TTC7A: variants seen among roughly 807,000 people sequenced by gnomAD.
TTC7A encodes tetratricopeptide repeat domain 7A.
A neutral mutation model predicts 103.7 loss-of-function variants in TTC7A; 110 were observed. That is an observed-to-expected ratio of 1.06 (90% CI 0.91 to 1.24). TTC7A has a LOEUF of 1.24. Among genes scored for constraint, TTC7A ranks in the 50% most tolerant of loss-of-function variants. The pLI is 0.00. For missense variants in TTC7A, 1,340 were observed against 1,116.3 expected (o/e 1.20, Z -2.86); for synonymous variants, 521 against 467.9 (o/e 1.11, Z -1.47).
At chr2:46,956,775 G>C in intron 2 of TTC7A, 64 bp from the exon 3 acceptor site, 3 of 1,564,320 alleles carry the variant, frequency 1.9e-6, no homozygotes, top group Non-Finnish European at 8.8e-7. Context: ...TCCAGGTTCA[G>C]TGGGGGTGTT....
chr2:46,918,720 A>C (rs1239611281), intron 2 of TTC7A, among the ~76,000 whole-genome samples: 1 of 152,248 alleles, frequency 6.6e-6, no homozygotes, highest in Non-Finnish European at 1.5e-5. Context: ...GCCACATGCC[A>C]ACCAATGCTA....
In TTC7A at chr2:46,944,792, C is replaced by T. The variant is rs191319787; in HGVS notation, c.184+3067C>T. Among the ~76,000 whole-genome samples, 75 of 152,278 alleles carry T rather than the reference C, an allele frequency of 4.9e-4. 1 individual carries two copies. The East Asian group carries it at 6.2e-3, about 13-fold the overall frequency. On this transcript the variant is annotated intron_variant, in intron 1 of 19. Transcript: ENST00000319190. ...CTGGGCTTAAGCTATTCTCCTACCTCGGCCTCCCAAAGTGTTGAGATTTCA... is the reference window on the plus strand; with the variant it reads ...CTGGGCTTAAGCTATTCTCCTACCTTGGCCTCCCAAAGTGTTGAGATTTCA...
In TTC7A at chr2:46,995,874, A is replaced by G. The variant is rs145124743; in HGVS notation, c.1065+675A>G. 2.3e-3 allele frequency among the ~76,000 whole-genome samples: 343 copies of G among 152,386 alleles called. 3 individuals are homozygous for G. Among genetic ancestry groups the G allele is most frequent in the Middle Eastern group, 0.01 (3 of 294 alleles). On this transcript the variant is annotated intron_variant, in intron 8 of 19. Transcript: ENST00000319190. ...GTAAAGGGAAGCAGGCAGTAAATTA[A>G]TCAAAAACTACAATATGCAGGATGT... is the stretch of plus-strand genomic sequence containing the variant.
intron 2 of TTC7A, among the ~76,000 whole-genome samples, chr2:46,953,432 G>A (rs1395112609): frequency 6.6e-6 from 1 of 152,214 alleles, no homozygotes; most frequent in Non-Finnish European, 1.5e-5. Context: ...TAGGATTACA[G>A]GCGTGAGCCA....
Position 47,060,299 on chromosome 2 carries a change from G to T in TTC7A, c.2153-470G>T, listed in dbSNP as rs565190236. 3.3e-5 allele frequency among the ~76,000 whole-genome samples: 5 copies of T among 152,176 alleles called. No individual in the cohort carries two copies. In the East Asian group the frequency reaches 7.7e-4, roughly 23 times the overall value. On this transcript the variant is annotated intron_variant, in intron 18 of 19. Coordinates refer to ENST00000319190, the MANE Select transcript of TTC7A (RefSeq NM_020458.4). ...ACAGGAAAATCACTTGAACCCAGGG[G>T]GCAGAGGTTACAGTGAGCTGAGATC...
intron 15 of TTC7A, among the ~76,000 whole-genome samples, chr2:47,035,009 C>T (rs1680954034): frequency 1.3e-5 from 2 of 152,350 alleles, no homozygotes; most frequent in Non-Finnish European, 2.9e-5. Context: ...GGAGCCATAC[C>T]TTGACTGACT....
At chr2:47,011,573 G>A (rs766988304) in intron 11 of TTC7A, 138 bp downstream of exon 11, 123 of 666,564 alleles carry the variant, frequency 1.8e-4, no homozygotes, top group Non-Finnish European at 2.3e-4. Context: ...GATGGGCCTG[G>A]GCAGGGAGAA....
chr2:47,028,503 C>G (rs947869771), intron 14 of TTC7A, among the ~76,000 whole-genome samples: 20 of 152,184 alleles, frequency 1.3e-4, no homozygotes, highest in African/African-American at 4.3e-4. Flanking sequence ...CTCTTTCATG[C>G]AGTGCTCCGA....
chr2:47,031,140 C>T (rs554667434), intron 15 of TTC7A, among the ~76,000 whole-genome samples: 1 of 152,260 alleles, frequency 6.6e-6, no homozygotes, highest in South Asian at 2.1e-4. Flanking sequence ...GAGCGAGACT[C>T]AGTCTCAAAA....
intron 1 of TTC7A, among the ~76,000 whole-genome samples, chr2:46,946,466 T>C (rs1037045317): frequency 6.6e-6 from 1 of 152,126 alleles, no homozygotes; most frequent in Non-Finnish European, 1.5e-5. Context: ...CCCTGTTGCC[T>C]AGGCTGGAGT....
intron 3 of TTC7A, 115 bp from the exon 4 acceptor site, chr2:46,974,858 C>T: frequency 1.4e-6 from 2 of 1,452,802 alleles, no homozygotes; most frequent in Non-Finnish European, 1.9e-6. Context: ...CCGCCTCCTC[C>T]TGGCTGCACC....
At chr2:46,958,228 C>G (rs1672058532) in intron 3 of TTC7A, among the ~76,000 whole-genome samples, 1 of 152,198 alleles carries the variant, frequency 6.6e-6, no homozygotes, top group Non-Finnish European at 1.5e-5. Context: ...TCTGTTGGGT[C>G]CACACCATGC....
intron 18 of TTC7A, among the ~76,000 whole-genome samples, chr2:47,055,031 G>T (rs1180723645): frequency 6.6e-6 from 1 of 151,924 alleles, no homozygotes; most frequent in East Asian, 1.9e-4. Context: ...ATCATCACTA[G>T]CAAGCATCTA....
chr2:47,066,078 G>GC, intron 19 of TTC7A: 1 of 152,190 alleles, frequency 6.6e-6, no homozygotes, highest in East Asian at 1.9e-4. Context: ...GTAATTCCTG[G>GC]GATGCAGTTA....
Position 47,024,387 on chromosome 2 carries a change from G to C in TTC7A, c.1641+28G>C, listed in dbSNP as rs764651080. 5 of 1,581,310 alleles carry C rather than the reference G, an allele frequency of 3.2e-6. No homozygotes were observed. The South Asian group carries it at 5.7e-5, about 18-fold the overall frequency. ...GGGTTGTCCGTGTTCCTAACCCCCG[G>C]GTCCTCGGGGGCTGCTGATCTTCTC... On this transcript the variant is annotated intron_variant, in intron 14 of 19. Transcript: ENST00000319190.
At chr2:47,059,899 A>G (rs1683628837) in intron 18 of TTC7A, among the ~76,000 whole-genome samples, 1 of 152,120 alleles carries the variant, frequency 6.6e-6, no homozygotes, top group Non-Finnish European at 1.5e-5. Context: ...GCTCATGCCT[A>G]TAATCTCGGC....
intron 2 of TTC7A, among the ~76,000 whole-genome samples, chr2:46,925,588 G>C (rs1455977004): frequency 6.6e-6 from 1 of 151,962 alleles, no homozygotes; most frequent in Non-Finnish European, 1.5e-5. Flanking sequence ...ACACATGCCT[G>C]GTCAGAATAA....
chr2:47,020,084 C>T lies in TTC7A; in HGVS notation c.1393-1778C>T, dbSNP rs562307352. 1.0e-3 allele frequency among the ~76,000 whole-genome samples: 156 copies of T among 152,256 alleles called. 1 individual carries two copies. Among genetic ancestry groups the T allele is most frequent in the African/African-American group, 3.5e-3 (146 of 41,530 alleles). ...ACCTGGTCCTGCCAGGTGTGTGCCT[C>T]CTGTGTCAGCTCCTCCGCCAGGCCT... On this transcript the variant is annotated intron_variant, in intron 11 of 19. Transcript: ENST00000319190.
chr2:46,953,311 A>C (rs1034088635), intron 2 of TTC7A, among the ~76,000 whole-genome samples: 1 of 151,964 alleles, frequency 6.6e-6, no homozygotes, highest in African/African-American at 2.4e-5. Context: ...GCACCACCAC[A>C]CCCAGCTAAT....
Sources: allele counts gnomAD v4.1 joint callset (sites outside exome capture counted in the v4.1 genomes callset), GRCh38; gene constraint gnomAD v4.1.1; transcripts MANE v1.5; gene names NCBI Gene and HGNC (gene_info 2026-07-23, HGNC 2026-07-21).